ZC3H12B: variants seen among roughly 807,000 people sequenced by gnomAD.
The protein encoded by ZC3H12B is probable ribonuclease ZC3H12B.
In ZC3H12B, 7 loss-of-function variants were observed where a neutral mutation model predicts 43.9. The observed-to-expected ratio is 0.16, with a 90% CI of 0.09 to 0.30. The LOEUF (loss-of-function observed/expected upper bound fraction) is 0.30, where lower values mean the gene tolerates loss of function less well. Ranked by LOEUF, ZC3H12B falls within the 10% of genes least tolerant of loss-of-function variation. The pLI, the probability that ZC3H12B is intolerant of heterozygous loss-of-function variation, is 1.00. For synonymous variants in ZC3H12B, 222 were observed against 241.7 expected (o/e 0.92, Z 0.76); for missense variants, 475 against 670.2 (o/e 0.71, Z 3.22).
intron 2 of ZC3H12B, 61 bp from the exon 8 acceptor site, chrX:65,498,938 G>A (rs2068327796): frequency 1.1e-6 from 1 of 949,681 alleles, no homozygotes; most frequent in African/African-American, 1.9e-5. Flanking sequence ...TAATATTGGG[G>A]TAATACTGTT....
intron 3 of ZC3H12B, among the ~76,000 whole-genome samples, chrX:65,416,205 CAG>C (rs1287050432): frequency 1.8e-5 from 2 of 111,478 alleles, no homozygotes; most frequent in African/African-American, 3.3e-5. Flanking sequence ...GATTGAGACA[CAG>C]AAGATTATTT....
chrX:65,456,451 C>CT (rs2067613449), intron 3 of ZC3H12B, among the ~76,000 whole-genome samples: 2 of 83,836 alleles, frequency 2.4e-5, no homozygotes, highest in East Asian at 8.5e-4. Flanking sequence ...CTCTCCCTGT[C>CT]TCCACAGTCT....
the ZC3H12B span, among the ~76,000 whole-genome samples, chrX:65,168,988 C>T: frequency 9.0e-6 from 1 of 111,162 alleles, no homozygotes; most frequent in African/African-American, 3.3e-5. Context: ...AAAAACAAAT[C>T]CTGGAGTCAT....
the ZC3H12B span, among the ~76,000 whole-genome samples, chrX:65,257,168 G>C: frequency 5.4e-5 from 6 of 112,077 alleles, no homozygotes; most frequent in African/African-American, 2.0e-4. Context: ...GTTTATTGCA[G>C]CACTATTCAC....
At chrX:65,161,781 T>C in the ZC3H12B span, among the ~76,000 whole-genome samples, 566 of 111,796 alleles carry the variant, frequency 5.1e-3, 2 homozygotes, top group African/African-American at 0.016. Flanking sequence ...TAATATTGTT[T>C]TGTGTGAACT....
the ZC3H12B span, among the ~76,000 whole-genome samples, chrX:65,267,824 A>G: frequency 9.0e-6 from 1 of 111,651 alleles, no homozygotes; most frequent in Non-Finnish European, 1.9e-5. Context: ...TTTTTAAAGG[A>G]TATTAAAAAT....
At chrX:65,207,731 G>C in the ZC3H12B span, among the ~76,000 whole-genome samples, 4 of 80,098 alleles carry the variant, frequency 5.0e-5, no homozygotes, top group Non-Finnish European at 9.5e-5. Context: ...TTGGTAGCTT[G>C]ATGGGGATGG....
the ZC3H12B span, among the ~76,000 whole-genome samples, chrX:65,253,972 G>T: frequency 8.9e-6 from 1 of 111,820 alleles, no homozygotes; most frequent in Non-Finnish European, 1.9e-5. Context: ...TGCCGCTGCT[G>T]CTAGTGTGAG....
At chrX:65,098,776 C>T in the ZC3H12B span, among the ~76,000 whole-genome samples, 2 of 111,237 alleles carry the variant, frequency 1.8e-5, no homozygotes, top group Admixed American at 9.6e-5. Context: ...ATCACCAGGG[C>T]CCTGGGTTTC....
the ZC3H12B span, among the ~76,000 whole-genome samples, chrX:65,312,075 A>G: frequency 9.0e-6 from 1 of 111,572 alleles, no homozygotes; most frequent in East Asian, 2.8e-4. Flanking sequence ...GCAAACCAAC[A>G]TGGCATATGT....
chrX:65,140,674 A>G, the ZC3H12B span, among the ~76,000 whole-genome samples: 1 of 112,170 alleles, frequency 8.9e-6, no homozygotes, highest in Non-Finnish European at 1.9e-5. Context: ...ATCTGGTAGA[A>G]TTCAGCAGTA....
At chrX:65,426,334 C>G (rs888710415) in intron 3 of ZC3H12B, among the ~76,000 whole-genome samples, 77 of 83,433 alleles carry the variant, frequency 9.2e-4, no homozygotes, top group African/African-American at 3.4e-3. Flanking sequence ...TTATTTGATT[C>G]TTCTCTTTTC....
the ZC3H12B span, among the ~76,000 whole-genome samples, chrX:65,082,369 G>T: frequency 9.0e-6 from 1 of 111,180 alleles, no homozygotes; most frequent in Non-Finnish European, 1.9e-5. Flanking sequence ...ATTTATAAAC[G>T]TTTAGGCAAA....
At chrX:65,096,118 A>G in the ZC3H12B span, among the ~76,000 whole-genome samples, 4 of 109,058 alleles carry the variant, frequency 3.7e-5, no homozygotes, top group Non-Finnish European at 7.6e-5. Context: ...GATTGTGAAT[A>G]GTGTTGCAAT....
At chrX:65,236,971 TG>T in the ZC3H12B span, among the ~76,000 whole-genome samples, 1 of 111,633 alleles carries the variant, frequency 9.0e-6, no homozygotes, top group African/African-American at 3.3e-5. Flanking sequence ...AGTTTGATTT[TG>T]GGTAGCATGA....
chrX:65,248,183 C>A, the ZC3H12B span, among the ~76,000 whole-genome samples: 6 of 110,281 alleles, frequency 5.4e-5, no homozygotes, highest in South Asian at 1.2e-3. Context: ...ACCACAGGAC[C>A]GCCACCACGC....
At chrX:65,070,520 G>A in the ZC3H12B span, among the ~76,000 whole-genome samples, 25 of 110,983 alleles carry the variant, frequency 2.3e-4, no homozygotes, top group African/African-American at 8.2e-4. Flanking sequence ...TTGTAATTGT[G>A]ATGTTAGGTT....
At chrX:65,359,249 T>G in the ZC3H12B span, among the ~76,000 whole-genome samples, 1 of 111,892 alleles carries the variant, frequency 8.9e-6, no homozygotes, top group Middle Eastern at 4.2e-3. Context: ...AGATTGATGC[T>G]GCTTTCTTTC....
chrX:65,131,363 T>C, the ZC3H12B span, among the ~76,000 whole-genome samples: 1 of 111,171 alleles, frequency 9.0e-6, no homozygotes, highest in Non-Finnish European at 1.9e-5. Context: ...GATACAGTCA[T>C]GGGGGTGGAG....
Sources: gnomAD v4.1 joint callset for allele counts (sites outside exome capture counted in the v4.1 genomes callset) on GRCh38, gnomAD v4.1.1 for gene constraint, MANE v1.5 for transcripts, NCBI Gene and HGNC (gene_info 2026-07-23, HGNC 2026-07-21) for gene names.